NETO2: variants seen among roughly 807,000 people sequenced by gnomAD.
The protein encoded by NETO2 is neuropilin and tolloid like 2, also known as neuropilin and tolloid-like protein 2.
NETO2 carries 28 observed loss-of-function variants against 62.5 expected under a neutral mutation model. That is an observed-to-expected ratio of 0.45 (90% CI 0.33 to 0.61). NETO2 has a LOEUF of 0.61. Among genes scored for constraint, NETO2 ranks in the 20% least tolerant of loss-of-function variants. The pLI is 0.02. For synonymous variants in NETO2, 214 were observed against 219.1 expected, an observed-to-expected ratio of 0.98 and a Z score of 0.21; for missense variants, 548 against 643.2, an observed-to-expected ratio of 0.85 and a Z score of 1.60.
chr16:47,108,358 GA>G (rs1212653135), intron 7 of NETO2, among the ~76,000 whole-genome samples: 23 of 152,090 alleles, frequency 1.5e-4, no homozygotes, highest in Admixed American at 1.4e-3. Flanking sequence ...AATTAGAAAG[GA>G]AAAAAATAGC....
chr16:47,087,154 G>A (rs984688830), intron 7 of NETO2, among the ~76,000 whole-genome samples: 12 of 151,806 alleles, frequency 7.9e-5, no homozygotes, highest in African/African-American at 2.9e-4. Flanking sequence ...TCAGCCTCCA[G>A]AGTAGCTGGG....
At position 47,132,029 on chromosome 16, in the gene NETO2, G is replaced by A. The variant is rs1964276149; in HGVS notation, c.35-4C>T. On this transcript the variant is annotated splice_region_variant and splice_polypyrimidine_tract_variant and intron_variant, in intron 1 of 8. Transcript: ENST00000562435. ...ACCAGTACTGTTATTAACAACACTA[G>A]AGAAATAACAGAGAAGAAAAGTTAT... The A allele has an allele frequency of 1.2e-6, 2 of 1,607,792 alleles. No homozygotes were observed. The highest frequency in any genetic ancestry group is 1.3e-5 in the African/African-American group (1 of 74,844).
chr16:47,143,235 A>C (rs578154248), intron 1 of NETO2, among the ~76,000 whole-genome samples: 1 of 152,138 alleles, frequency 6.6e-6, no homozygotes, highest in South Asian at 2.1e-4. Flanking sequence ...CAACTTTGCA[A>C]AGGGATGCGC....
At chr16:47,129,051 C>T (rs995446310) in intron 3 of NETO2, among the ~76,000 whole-genome samples, 173 bp downstream of exon 3, 14 of 152,182 alleles carry the variant, frequency 9.2e-5, no homozygotes, top group Non-Finnish European at 1.8e-4. Context: ...CCTAACATTT[C>T]TGCTAGTATC....
At chr16:47,088,420 A>G (rs914497492) in intron 7 of NETO2, among the ~76,000 whole-genome samples, 6 of 152,322 alleles carry the variant, frequency 3.9e-5, no homozygotes, top group African/African-American at 1.4e-4. Flanking sequence ...AACCTTAACA[A>G]TTTTGACTTC....
At chr16:47,105,652 C>G (rs760657865) in intron 7 of NETO2, among the ~76,000 whole-genome samples, 2 of 151,930 alleles carry the variant, frequency 1.3e-5, no homozygotes, top group Non-Finnish European at 2.9e-5. Context: ...AAAAAAAATT[C>G]AAAAGCGGGC....
intron 6 of NETO2, 113 bp downstream of exon 6, chr16:47,122,544 G>T: frequency 9.2e-7 from 1 of 1,086,538 alleles, no homozygotes; most frequent in Non-Finnish European, 1.3e-6. Context: ...TTAAAAAGTT[G>T]CAGTATCAGT....
intron 7 of NETO2, among the ~76,000 whole-genome samples, chr16:47,096,222 G>C (rs1370179406): frequency 6.6e-6 from 1 of 152,066 alleles, no homozygotes; most frequent in Non-Finnish European, 1.5e-5. Flanking sequence ...AAACAACTTA[G>C]ATCAATAGTT....
At position 47,080,434 on chromosome 16, in the gene NETO2, CTTCT is replaced by C. The variant is rs2143780231; in HGVS notation, c.*2783_*2786del. On this transcript the variant is annotated 3_prime_UTR_variant, in exon 9 of 9. Transcript: ENST00000562435. ...TCCACAAGATTGCTAAATTTCATGT[CTTCT>C]GTTATTAAATTTTATGGCTTTCATT... 6.6e-6 allele frequency: 1 copy of C among 152,274 alleles called. No homozygotes were observed. The highest frequency in any genetic ancestry group is 6.5e-5 in the Admixed American group (1 of 15,294). 9.4% of individuals were successfully genotyped at this position (152,274 alleles called of 1,614,324 possible). A position where few individuals can be genotyped will look rare whatever the true frequency, so the allele number is the denominator to read the frequency against.
At chr16:47,131,712 T>C (rs968249080) in intron 2 of NETO2, among the ~76,000 whole-genome samples, 1 of 152,260 alleles carries the variant, frequency 6.6e-6, no homozygotes, top group Non-Finnish European at 1.5e-5. Context: ...CTTTAATTTT[T>C]GGACATAATC....
chr16:47,116,140 CTGTT>C (rs1315232915), intron 6 of NETO2, among the ~76,000 whole-genome samples: 105 of 140,196 alleles, frequency 7.5e-4, no homozygotes, highest in African/African-American at 2.8e-3. Flanking sequence ...GTAGGGTTTT[CTGTT>C]TTTTTTTTTT....
chr16:47,132,856 A>C (rs925359870), intron 1 of NETO2, among the ~76,000 whole-genome samples: 3 of 152,178 alleles, frequency 2.0e-5, no homozygotes, highest in African/African-American at 7.2e-5. Flanking sequence ...GTATGGACTT[A>C]AGGAGTTTCA....
At chr16:47,087,664 A>C (rs1479207478) in intron 7 of NETO2, among the ~76,000 whole-genome samples, 1 of 152,252 alleles carries the variant, frequency 6.6e-6, no homozygotes, top group Non-Finnish European at 1.5e-5. Flanking sequence ...AATTGTTTTA[A>C]GGACACTAAA....
At chr16:47,122,823 G>A (rs1350227929) in intron 5 of NETO2, 39 bp from the exon 6 acceptor site, 4 of 1,613,730 alleles carry the variant, frequency 2.5e-6, no homozygotes, top group Non-Finnish European at 3.4e-6. Context: ...AGGAACATAA[G>A]ACTAATCAAA....
chr16:47,142,374 T>A (rs1964477855), intron 1 of NETO2, among the ~76,000 whole-genome samples: 1 of 152,198 alleles, frequency 6.6e-6, no homozygotes, highest in Non-Finnish European at 1.5e-5. Context: ...AAATCTCAAT[T>A]ACGAATTTAG....
chr16:47,129,393 C>A, intron 2 of NETO2, 29 bp from the exon 3 acceptor site: 1 of 1,608,262 alleles, frequency 6.2e-7, no homozygotes. Flanking sequence ...TTAAAACACT[C>A]ATTACAGCAA....
At chr16:47,091,745 GCAGAGGGTGCCTATGTGAC>G (rs569373766) in intron 7 of NETO2, among the ~76,000 whole-genome samples, 1 of 152,312 alleles carries the variant, frequency 6.6e-6, no homozygotes, top group African/African-American at 2.4e-5. Flanking sequence ...TATATGCAAA[GCAGAGGGTGCCTATGTGAC>G]CAGACTCTGA....
intron 1 of NETO2, among the ~76,000 whole-genome samples, chr16:47,132,414 C>T (rs1964284294): frequency 6.6e-6 from 1 of 151,976 alleles, no homozygotes; most frequent in Non-Finnish European, 1.5e-5. Context: ...CTGCAGTGTG[C>T]TATGGCAGTG....
rs564521892 is a variant in NETO2 at position 47,106,926 on chromosome 16, C to T, written c.883+2557G>A. 3.9e-5 allele frequency among the ~76,000 whole-genome samples: 6 copies of T among 151,978 alleles called. No homozygotes were observed. In the East Asian group the frequency reaches 7.7e-4, roughly 20 times the overall value. On this transcript the variant is annotated intron_variant, in intron 7 of 8. Transcript: ENST00000562435. The stretch of plus-strand genomic sequence containing the variant: ...CCTGCCCAGTAGATGGAATTATAGG[C>T]GCGTGCTACCATGCCCCACTAATTT...
Sources: gnomAD v4.1 joint callset for allele counts (sites outside exome capture counted in the v4.1 genomes callset) on GRCh38, gnomAD v4.1.1 for gene constraint, MANE v1.5 for transcripts, NCBI Gene and HGNC (gene_info 2026-07-23, HGNC 2026-07-21) for gene names.